Variants in SLC25A39 observed in about 807,000 individuals in gnomAD.
SLC25A39 encodes the protein solute carrier family 25 member 39.
SLC25A39 carries 44 observed loss-of-function variants against 46.6 expected under a neutral mutation model. The observed-to-expected ratio is 0.94, with a 90% CI of 0.74 to 1.21. The LOEUF is 1.21. Among genes scored for constraint, SLC25A39 ranks in the 50% most tolerant of loss-of-function variants. The pLI, the probability that SLC25A39 is intolerant of heterozygous loss-of-function variation, is 0.00. For synonymous variants in SLC25A39, 218 were observed against 190.6 expected (o/e 1.14, Z -1.19); for missense variants, 487 against 473.0 (o/e 1.03, Z -0.28).
intron 2 of SLC25A39, 39 bp downstream of exon 2, chr17:44,323,439 A>ACGCCCCC: frequency 7.8e-6 from 2 of 257,114 alleles, no homozygotes; most frequent in Non-Finnish European, 1.1e-5. Context: ...GGTCTGCCCC[A>ACGCCCCC]TCCCCACCCG....
rs372262650 is a variant in SLC25A39 at position 44,320,728 on chromosome 17, A to G, written c.695T>C (p.Leu232Pro). The change falls in exon 9 of 12, where the codon CTG becomes CCG. Residue 232 changes from leucine (L) to proline (P), a missense_variant. Leu to Pro is a moderately conservative substitution (Grantham distance 98). Coordinates refer to ENST00000377095, the MANE Select transcript of SLC25A39 (RefSeq NM_001143780.3). ...TALRDVPFSALYWFNYELVKS... is the reference protein window; with the variant it reads ...TALRDVPFSAPYWFNYELVKS... ...CACCAGCTCATAGTTGAACCAGTAC[A>G]GGGCTTGGGGTGGGGGATGCACTGA... The G allele has an allele frequency of 8.7e-6, 14 of 1,613,008 alleles. No homozygotes were observed. Among genetic ancestry groups the G allele is most frequent in the African/African-American group, 6.7e-5 (5 of 74,898 alleles).
At chr17:44,322,904 G>T (rs369455581) in intron 3 of SLC25A39, 52 bp from the exon 4 acceptor site, 1 of 1,585,758 alleles carries the variant, frequency 6.3e-7, no homozygotes, top group East Asian at 2.2e-5. Flanking sequence ...CCGCCCTAGG[G>T]ACCCCATCTC....
chr17:44,322,534 G>C lies in SLC25A39; in HGVS notation c.209C>G (p.Ser70Cys). The C allele has an allele frequency of 6.2e-7, 1 of 1,614,144 alleles. No individual in the cohort carries two copies. Among genetic ancestry groups the C allele is most frequent in the East Asian group, 2.2e-5 (1 of 44,882 alleles). The change falls in exon 5 of 12, where the codon TCC (serine) becomes TGC (cysteine). Residue 70 changes from serine to cysteine, a missense_variant. Physicochemically the swap from Ser to Cys is moderately radical, Grantham distance 112 (BLOSUM62 -1). Coordinates refer to ENST00000377095, the MANE Select transcript of SLC25A39 (RefSeq NM_001143780.3). ...SYTKLPSSLQ[S>C]TGKCLLYCNG... ...GCAATACAGGAGGCACTTCCCTGTG[G>C]ATTGGAGAGAGGAGGGCACTGGGGA...
intron 2 of SLC25A39, 39 bp downstream of exon 2, chr17:44,323,439 A>AACCCCCCCCCCCCCCCCCC: frequency 2.7e-5 from 7 of 257,060 alleles, no homozygotes; most frequent in Admixed American, 9.6e-5. Context: ...GGTCTGCCCC[A>AACCCCCCCCCCCCCCCCCC]TCCCCACCCG....
Position 44,321,782 on chromosome 17 carries a change from A to G in SLC25A39, c.325-15T>C. On this transcript the variant is annotated splice_polypyrimidine_tract_variant and intron_variant, in intron 5 of 11. Transcript: ENST00000377095. The stretch of plus-strand genomic sequence containing the variant: ...ACGAAGGCATCCTGGCCAAGCAGGC[A>G]CCAGCCCAGGGGAAGAGGAGGGACA... 1 of 1,608,490 alleles carries G rather than the reference A, an allele frequency of 6.2e-7. No individual in the cohort carries two copies. The highest frequency in any genetic ancestry group is 8.5e-7 in the Non-Finnish European group (1 of 1,176,664).
chr17:44,320,682 G>C lies in SLC25A39; in HGVS notation c.741C>G (p.Phe247Leu), dbSNP rs201972895. The C allele has an allele frequency of 2.2e-5, 36 of 1,613,998 alleles. No individual in the cohort carries two copies. Among genetic ancestry groups the C allele is most frequent in the Non-Finnish European group, 3.0e-5 (35 of 1,180,036 alleles). The change falls in exon 9 of 12, where the codon TTC becomes TTG. Residue 247 changes from phenylalanine to leucine, a missense_variant. Phe to Leu is a conservative substitution (Grantham distance 22). Coordinates refer to ENST00000377095, the MANE Select transcript of SLC25A39 (RefSeq NM_001143780.3). ...CCACAGAAGTCTGGTCCTTCGGCCT[G>C]AACCCATTGAGCCAGCTCTTCACCA... Reference protein sequence around the residue: ...YELVKSWLNGFRPKDQTSVGM... With the variant: ...YELVKSWLNGLRPKDQTSVGM...
chr17:44,321,349 A>G (rs1201178241), intron 7 of SLC25A39, 85 bp downstream of exon 7: 1 of 1,600,892 alleles, frequency 6.2e-7, no homozygotes, highest in African/African-American at 1.3e-5. Flanking sequence ...CTAGGCTGGC[A>G]GAGGTTGGGG....
intron 1 of SLC25A39, chr17:44,324,303 G>C (rs1039413840): frequency 6.5e-6 from 1 of 152,734 alleles, no homozygotes; most frequent in East Asian, 1.9e-4. Flanking sequence ...AGGCACCTGA[G>C]AGCCCAAGTT....
At chr17:44,320,779 G>A (rs1598341467) in intron 8 of SLC25A39, 48 bp from the exon 9 acceptor site, 1 of 1,442,954 alleles carries the variant, frequency 6.9e-7, no homozygotes, top group East Asian at 2.3e-5. Context: ...GCAAGGAAGT[G>A]GCCCCAGACC....
At chr17:44,323,111 G>A (rs1281261500) in intron 3 of SLC25A39, among the ~76,000 whole-genome samples, 173 bp downstream of exon 3, 2 of 152,100 alleles carry the variant, frequency 1.3e-5, no homozygotes, top group South Asian at 2.1e-4. Context: ...TTAGTAGTGA[G>A]AGAGTTTCAC....
intron 2 of SLC25A39, 44 bp downstream of exon 2, chr17:44,323,434 G>GGGCCCCC: frequency 7.3e-7 from 1 of 1,367,918 alleles, no homozygotes; most frequent in Non-Finnish European, 1.0e-6. Flanking sequence ...TCTCCGGTCT[G>GGGCCCCC]CCCCATCCCC....
chr17:44,321,806 CACAAG>C (rs1321133055), intron 5 of SLC25A39, 39 bp from the exon 6 acceptor site: 1 of 1,591,732 alleles, frequency 6.3e-7, no homozygotes, highest in Non-Finnish European at 8.6e-7. Flanking sequence ...AGAGGAGGGA[CACAAG>C]TGATGTCTGT....
At position 44,322,848 on chromosome 17, in the gene SLC25A39, C is replaced by T. The variant is rs1477483708; in HGVS notation, c.150G>A (p.Leu50=). The change falls in exon 4 of 12, where the codon CTG becomes CTA. Residue 50 remains leucine, a synonymous_variant. Coordinates refer to ENST00000377095, the MANE Select transcript of SLC25A39 (RefSeq NM_001143780.3). The part of the protein sequence containing the change: ...QSQRPSMASE[L]MPSSRLWSLS... ...GGCTCCACAGTCTGGAGGAAGGCAT[C>T]AGCTCTAAAATACAAGGCAGCCCCT... 3 of 1,614,036 alleles carry T rather than the reference C, an allele frequency of 1.9e-6. No individual in the cohort carries two copies. The highest frequency in any genetic ancestry group is 1.7e-5 in the Admixed American group (1 of 60,010).
chr17:44,320,991 T>C (rs1169538326), intron 8 of SLC25A39, 67 bp downstream of exon 8: 2 of 1,493,806 alleles, frequency 1.3e-6, no homozygotes, highest in Admixed American at 2.3e-5. Flanking sequence ...AGCTGGGACT[T>C]GGCTGTAGAC....
chr17:44,321,400 C>G, intron 7 of SLC25A39, 34 bp downstream of exon 7: 1 of 1,613,094 alleles, frequency 6.2e-7, no homozygotes, highest in Non-Finnish European at 8.5e-7. Context: ...GAGGTGGGGA[C>G]AGAGGGAGGT....
In SLC25A39 at chr17:44,321,514, TC is replaced by T. The variant is rs768196054; in HGVS notation, c.436del (p.Asp146ThrfsTer3). On this transcript the variant is annotated frameshift_variant, in exon 7 of 12. Transcript: ENST00000377095. LOFTEE classifies it high-confidence loss of function. ...PATAIYFTAY[D>X]QLKAFLCGRA... The stretch of plus-strand genomic sequence containing the variant: ...ACCACACAGGAAGGCCTTCAGTTGG[TC>T]ATAGGCAGTGAAGTAGATGGCGGTA... 1 of 1,613,978 alleles carries T rather than the reference TC, an allele frequency of 6.2e-7. No individual in the cohort carries two copies.
chr17:44,322,048 A>C (rs773777972), intron 5 of SLC25A39, among the ~76,000 whole-genome samples: 6 of 152,228 alleles, frequency 3.9e-5, no homozygotes, highest in Non-Finnish European at 7.3e-5. Flanking sequence ...CAGGAGTTCG[A>C]GACCAGCCTG....
chr17:44,321,084 G>A lies in SLC25A39; in HGVS notation c.665C>T (p.Thr222Ile). The change falls in exon 8 of 12, where the codon ACT (threonine) becomes ATT (isoleucine). Residue 222 changes from threonine to isoleucine, a missense_variant. Thr to Ile is a moderately conservative substitution (Grantham distance 89). Transcript: ENST00000377095. ...WRSLWLGWGP[T>I]ALRDVPFSAL... ...TGAGAAGGGCACATCTCGAAGGGCAGTGGGGCCCCAGCCCAGCCACAGTGA... is the reference window on the plus strand; with the variant it reads ...TGAGAAGGGCACATCTCGAAGGGCAATGGGGCCCCAGCCCAGCCACAGTGA... The A allele has an allele frequency of 6.2e-7, 1 of 1,608,456 alleles. No homozygotes were observed. Among genetic ancestry groups the A allele is most frequent in the South Asian group, 1.1e-5 (1 of 90,546 alleles).
intron 9 of SLC25A39, 47 bp downstream of exon 9, chr17:44,320,575 C>G: frequency 6.3e-7 from 1 of 1,594,064 alleles, no homozygotes; most frequent in Non-Finnish European, 8.6e-7. Context: ...CTCAGGCCCC[C>G]CGCAGGGAGA....
Sources: allele counts gnomAD v4.1 joint callset (sites outside exome capture counted in the v4.1 genomes callset), GRCh38; gene constraint gnomAD v4.1.1; transcripts MANE v1.5; gene names NCBI Gene and HGNC (gene_info 2026-07-23, HGNC 2026-07-21).